The following CLDN14 variants were observed in gnomAD, a reference collection of about 807,000 sequenced individuals.
CLDN14 encodes claudin-14.
A neutral mutation model predicts 2.1 loss-of-function variants in CLDN14; 2 were observed. The observed-to-expected ratio is 0.96, with a 90% CI of 0.39 to 3.01. CLDN14 has a LOEUF of 3.01. Ranked by LOEUF, CLDN14 falls within the 30% of genes most tolerant of loss-of-function variation. The pLI is 0.09. For synonymous variants in CLDN14, 136 were observed against 154.4 expected (o/e 0.88, Z 0.88); for missense variants, 298 against 328.0 (o/e 0.91, Z 0.71).
chr21:36,574,643 G>C (rs1431979969), intron 1 of CLDN14, among the ~76,000 whole-genome samples: 1 of 152,162 alleles, frequency 6.6e-6, no homozygotes, highest in Non-Finnish European at 1.5e-5. Flanking sequence ...TACCAAAGTA[G>C]ATACAATTCT....
chr21:36,499,193 C>T lies in CLDN14; in HGVS notation c.-82+11170G>A, dbSNP rs370074360. Among the ~76,000 whole-genome samples, 12 of 152,206 alleles carry T rather than the reference C, an allele frequency of 7.9e-5. No individual in the cohort carries two copies. Among genetic ancestry groups the T allele is most frequent in the South Asian group, 4.1e-4 (2 of 4,822 alleles). On this transcript the variant is annotated intron_variant, in intron 2 of 2. Coordinates refer to the CLDN14 transcript ENST00000342108. The surrounding 1 kb of genome is among the most constrained non-coding windows in gnomAD (Gnocchi z 4.7). ...GTGGGGGCAATGAACCCCGCAACTG[C>T]GGGAAACTGACCTTCAGCACTTTGA...
intron 2 of CLDN14, among the ~76,000 whole-genome samples, chr21:36,491,821 G>A (rs1157989591): frequency 6.6e-6 from 1 of 152,092 alleles, no homozygotes; most frequent in East Asian, 1.9e-4. Flanking sequence ...AGGTGCATGT[G>A]GACAGGCCGC....
intron 1 of CLDN14, chr21:36,542,453 A>C (rs541570452): frequency 6.6e-6 from 1 of 152,286 alleles, no homozygotes; most frequent in South Asian, 2.1e-4. Flanking sequence ...CCTGTGACTG[A>C]CGGCCGGGGA....
chr21:36,486,756 T>C, intron 2 of CLDN14: 1 of 901,210 alleles, frequency 1.1e-6, no homozygotes, highest in African/African-American at 1.6e-5. Context: ...CCTTTGGGCT[T>C]CCCACGAAGG....
chr21:36,484,695 G>C (rs1340068253), upstream of CLDN14, among the ~76,000 whole-genome samples: 1 of 152,006 alleles, frequency 6.6e-6, no homozygotes, highest in Non-Finnish European at 1.5e-5. Context: ...GATTAGATGA[G>C]GGCCAATTCT....
At chr21:36,495,476 A>G (rs2087007564) in intron 2 of CLDN14, among the ~76,000 whole-genome samples, 1 of 152,238 alleles carries the variant, frequency 6.6e-6, no homozygotes, top group Admixed American at 6.5e-5. Context: ...ATATTCAGTT[A>G]TGGAAAAGGG....
intron 2 of CLDN14, among the ~76,000 whole-genome samples, chr21:36,489,131 A>AAAAAAAT: frequency 1.4e-3 from 86 of 62,730 alleles, no homozygotes; most frequent in Middle Eastern, 0.033. Context: ...AAAAAAAAAA[A>AAAAAAAT]ATATATATAT....
At chr21:36,567,554 T>C (rs1308500811) in intron 1 of CLDN14, among the ~76,000 whole-genome samples, 1 of 151,974 alleles carries the variant, frequency 6.6e-6, no homozygotes, top group Non-Finnish European at 1.5e-5. Context: ...GGTGAAAGAG[T>C]CTGTTTATTT....
chr21:36,496,727 G>A (rs1369372711), intron 2 of CLDN14, among the ~76,000 whole-genome samples: 1 of 9,740 alleles, frequency 1.0e-4, no homozygotes, highest in Non-Finnish European at 3.6e-4. Context: ...GGAAGGGAGG[G>A]AGGAAGGGAG....
chr21:36,530,640 G>A (rs1329009268), intron 1 of CLDN14, among the ~76,000 whole-genome samples: 1 of 152,248 alleles, frequency 6.6e-6, no homozygotes, highest in African/African-American at 2.4e-5. Context: ...ACAAGCATAG[G>A]TTGAGGGGAT....
chr21:36,573,900 G>A (rs934480453), intron 1 of CLDN14, among the ~76,000 whole-genome samples: 2 of 152,108 alleles, frequency 1.3e-5, no homozygotes, highest in African/African-American at 4.8e-5. Context: ...AGACATTTCT[G>A]AGGAAAATGG....
intron 1 of CLDN14, among the ~76,000 whole-genome samples, chr21:36,527,332 A>G (rs1241294473): frequency 6.6e-6 from 1 of 152,192 alleles, no homozygotes; most frequent in Non-Finnish European, 1.5e-5. Context: ...TATTTTAAAA[A>G]ATACTTAGCT....
Position 36,555,806 on chromosome 21 carries a change from AGTGTGTGTGTGTGTGTGT to A in CLDN14, c.-220+20587_-220+20604del, listed in dbSNP as rs142473999. Among the ~76,000 whole-genome samples, 173 of 143,440 alleles carry A rather than the reference AGTGTGTGTGTGTGTGTGT, an allele frequency of 1.2e-3. 1 individual carries two copies. Among genetic ancestry groups the A allele is most frequent in the East Asian group, 5.7e-3 (27 of 4,736 alleles). 94.1% of individuals were successfully genotyped at this position (143,440 alleles called of 152,430 possible). A position where few individuals can be genotyped will look rare whatever the true frequency, so the allele number is the denominator to read the frequency against. Reference sequence around the variant, plus strand: ...TTCTACTCCCGATTTTCTATAGGTCAGTGTGTGTGTGTGTGTGTGTGTGTGTGTGTGTGTGTGTGTGTG... The same window carrying A: ...TTCTACTCCCGATTTTCTATAGGTCAGTGTGTGTGTGTGTGTGTGTGTGTG... On this transcript the variant is annotated intron_variant, in intron 1 of 2. Transcript: ENST00000342108.
chr21:36,555,980 C>T (rs2087596924), intron 1 of CLDN14, among the ~76,000 whole-genome samples: 1 of 152,054 alleles, frequency 6.6e-6, no homozygotes, highest in Non-Finnish European at 1.5e-5. Context: ...ATTTCCCATC[C>T]CACATATCAG....
chr21:36,514,622 AGTGTGTGTGTGT>A (rs34558148), intron 1 of CLDN14, among the ~76,000 whole-genome samples: 1 of 33,656 alleles, frequency 3.0e-5, no homozygotes, highest in Admixed American at 2.7e-4. Flanking sequence ...CGTGAGAGAA[AGTGTGTGTGTGT>A]GTGTGTGTGT....
chr21:36,485,929 C>T, intron 2 of CLDN14: 2 of 1,036,184 alleles, frequency 1.9e-6, no homozygotes, highest in Non-Finnish European at 2.9e-6. Context: ...ACCCTATATT[C>T]TCTGCGTCCC....
chr21:36,554,314 T>C (rs1231711649), intron 1 of CLDN14, among the ~76,000 whole-genome samples: 1 of 152,152 alleles, frequency 6.6e-6, no homozygotes, highest in East Asian at 1.9e-4. Context: ...GGAACTTTGA[T>C]TGTTTCCTGC....
intron 1 of CLDN14, among the ~76,000 whole-genome samples, chr21:36,531,795 C>T (rs374041163): frequency 5.3e-5 from 8 of 150,930 alleles, no homozygotes; most frequent in South Asian, 4.2e-4. Flanking sequence ...TTCACTATAA[C>T]GTAGGGCACT....
intron 2 of CLDN14, among the ~76,000 whole-genome samples, chr21:36,509,681 C>T (rs533209503): frequency 8.5e-5 from 13 of 152,220 alleles, no homozygotes; most frequent in African/African-American, 1.4e-4. Context: ...TTGCAACCTC[C>T]GCCTCCCGGC....
Sources: allele counts gnomAD v4.1 joint callset (sites outside exome capture counted in the v4.1 genomes callset), GRCh38; gene constraint gnomAD v4.1.1; non-coding constraint Gnocchi (gnomAD v3.1); transcripts MANE v1.5; gene names NCBI Gene and HGNC (gene_info 2026-07-23, HGNC 2026-07-21).